Variants in GRIK4 observed in about 807,000 individuals in gnomAD.
GRIK4 encodes the protein glutamate ionotropic receptor kainate type subunit 4.
A neutral mutation model predicts 104.9 loss-of-function variants in GRIK4; 40 were observed. That is an observed-to-expected ratio of 0.38 (90% CI 0.30 to 0.50). GRIK4 has a LOEUF of 0.50. Among genes scored for constraint, GRIK4 ranks in the 20% least tolerant of loss-of-function variants. The pLI is 0.93. For synonymous variants in GRIK4, 485 were observed against 524.9 expected (o/e 0.92, Z 1.04); for missense variants, 1,047 against 1,308.1 (o/e 0.80, Z 3.08).
chr11:120,684,271 T>C lies in GRIK4; in HGVS notation c.82+23871T>C, dbSNP rs577370333. ...CTGGGAGATTGAGGCTGCAGTGAAC[T>C]GAGATCTCACTACTGCACTCCCATC... is the stretch of plus-strand genomic sequence containing the variant. On this transcript the variant is annotated intron_variant, in intron 3 of 20. Coordinates refer to ENST00000527524, the MANE Select transcript of GRIK4 (RefSeq NM_014619.5). Among the ~76,000 whole-genome samples the C allele has an allele frequency of 5.3e-5, 8 of 152,272 alleles. No homozygotes were observed. The South Asian group carries it at 1.7e-3, about 32-fold the overall frequency.
chr11:120,541,387 T>C (rs1948033981), intron 1 of GRIK4, among the ~76,000 whole-genome samples: 1 of 152,256 alleles, frequency 6.6e-6, no homozygotes, highest in Non-Finnish European at 1.5e-5. Flanking sequence ...AGCTGTCCTA[T>C]CTATTTCTGA....
chr11:120,789,078 T>A (rs1952344598), intron 3 of GRIK4, among the ~76,000 whole-genome samples: 1 of 152,132 alleles, frequency 6.6e-6, no homozygotes, highest in Non-Finnish European at 1.5e-5. Context: ...AGTTTTAGCC[T>A]GGTTCTTCCT....
chr11:120,585,761 A>G (rs1411702137), intron 1 of GRIK4, among the ~76,000 whole-genome samples: 1 of 144,436 alleles, frequency 6.9e-6, no homozygotes, highest in Non-Finnish European at 1.5e-5. Flanking sequence ...CAATCATTTT[A>G]GCACCATTTG....
At chr11:120,541,322 C>T (rs1948033120) in intron 1 of GRIK4, among the ~76,000 whole-genome samples, 1 of 152,204 alleles carries the variant, frequency 6.6e-6, no homozygotes, top group Non-Finnish European at 1.5e-5. Context: ...TGTGTTGAAA[C>T]TATTTATTCC....
chr11:120,552,970 A>G (rs931472756), intron 1 of GRIK4, among the ~76,000 whole-genome samples: 4 of 151,532 alleles, frequency 2.6e-5, no homozygotes, highest in African/African-American at 9.7e-5. Context: ...ACTGCATTAC[A>G]GCGTGGGGGA....
At chr11:120,899,097 A>C (rs908083551) in intron 12 of GRIK4, among the ~76,000 whole-genome samples, 3 of 152,186 alleles carry the variant, frequency 2.0e-5, no homozygotes, top group Non-Finnish European at 4.4e-5. Context: ...CTTCATTTCC[A>C]GGTGGTAAAA....
At chr11:120,785,403 A>C (rs1794655246) in intron 3 of GRIK4, among the ~76,000 whole-genome samples, 1 of 152,210 alleles carries the variant, frequency 6.6e-6, no homozygotes, top group Non-Finnish European at 1.5e-5. Context: ...GGAACTGTTT[A>C]AGGAGGCTAA....
At chr11:120,654,561 C>A (rs1001425406) in intron 2 of GRIK4, among the ~76,000 whole-genome samples, 1 of 152,064 alleles carries the variant, frequency 6.6e-6, no homozygotes, top group African/African-American at 2.4e-5. Context: ...CCGGGTTTCA[C>A]CATGTTGGCC....
At chr11:120,705,107 T>C (rs1361459496) in intron 3 of GRIK4, among the ~76,000 whole-genome samples, 1 of 152,220 alleles carries the variant, frequency 6.6e-6, no homozygotes, top group African/African-American at 2.4e-5. Context: ...TTGTAGTTAG[T>C]TTTGAAATCA....
At chr11:120,898,706 C>T (rs989867133) in intron 12 of GRIK4, 67 bp downstream of exon 12, 11 of 841,126 alleles carry the variant, frequency 1.3e-5, no homozygotes, top group African/African-American at 1.0e-4. Context: ...TGAGCACTCA[C>T]AGGCTGCCCC....
At chr11:120,668,827 A>G (rs1446980912) in intron 3 of GRIK4, among the ~76,000 whole-genome samples, 1 of 152,196 alleles carries the variant, frequency 6.6e-6, no homozygotes, top group Admixed American at 6.5e-5. Flanking sequence ...ATAATTTCTC[A>G]GTGTCTCCAT....
At chr11:120,696,549 G>A (rs1461568242) in intron 3 of GRIK4, among the ~76,000 whole-genome samples, 1 of 151,560 alleles carries the variant, frequency 6.6e-6, no homozygotes, top group African/African-American at 2.4e-5. Context: ...GAGAGCTGGG[G>A]TTGAAGAAGG....
chr11:120,593,991 A>C (rs1328082318), intron 1 of GRIK4, among the ~76,000 whole-genome samples: 1 of 152,146 alleles, frequency 6.6e-6, no homozygotes, highest in Non-Finnish European at 1.5e-5. Context: ...GCCACCCTTC[A>C]GTCCAGGCCA....
chr11:120,874,336 C>A, intron 10 of GRIK4, 118 bp downstream of exon 10: 1 of 776,150 alleles, frequency 1.3e-6, no homozygotes, highest in Non-Finnish European at 2.0e-6. Context: ...GTTATTACAG[C>A]CCCAGATAAA....
intron 8 of GRIK4, among the ~76,000 whole-genome samples, chr11:120,855,407 T>A (rs1954078076): frequency 6.6e-6 from 1 of 152,236 alleles, no homozygotes; most frequent in Non-Finnish European, 1.5e-5. Flanking sequence ...GTGCTCAGTT[T>A]TGCCTGGCGC....
chr11:120,669,614 C>A (rs550096288), intron 3 of GRIK4, among the ~76,000 whole-genome samples: 1 of 152,360 alleles, frequency 6.6e-6, no homozygotes, highest in South Asian at 2.1e-4. Context: ...CTGGACTTAG[C>A]AGCAGCATTT....
At position 120,952,794 on chromosome 11, in the gene GRIK4, TG is replaced by T. The variant is rs1944034634; in HGVS notation, c.1591-60del. 1.2e-5 allele frequency: 14 copies of T among 1,162,216 alleles called. No individual in the cohort carries two copies. Among genetic ancestry groups the T allele is most frequent in the Non-Finnish European group, 1.7e-5 (13 of 767,358 alleles). 72.0% of individuals were successfully genotyped at this position (1,162,216 alleles called of 1,614,324 possible). ...ACTACCTCCTCTACCCCGCCCTGCC[TG>T]CCCCAAGGTCATGTTGACTGAATAT... On this transcript the variant is annotated intron_variant, in intron 14 of 20. Coordinates refer to ENST00000527524, the MANE Select transcript of GRIK4 (RefSeq NM_014619.5). This position sits in a 1 kb window ranked among gnomAD's most constrained non-coding sequence, Gnocchi z 5.2.
intron 3 of GRIK4, among the ~76,000 whole-genome samples, chr11:120,733,697 G>A (rs1230824697): frequency 6.7e-6 from 1 of 148,786 alleles, no homozygotes; most frequent in African/African-American, 2.5e-5. Flanking sequence ...AGTTGTTGTA[G>A]TTATTAATTT....
At chr11:120,914,846 A>C (rs1269813747) in intron 13 of GRIK4, among the ~76,000 whole-genome samples, 2 of 152,160 alleles carry the variant, frequency 1.3e-5, no homozygotes, top group African/African-American at 4.8e-5. Flanking sequence ...GACGGATTGG[A>C]GGTGGGAAGA....
Sources: allele counts gnomAD v4.1 joint callset (sites outside exome capture counted in the v4.1 genomes callset), GRCh38; gene constraint gnomAD v4.1.1; non-coding constraint Gnocchi (gnomAD v3.1); transcripts MANE v1.5; gene names NCBI Gene and HGNC (gene_info 2026-07-23, HGNC 2026-07-21).